TTC29: variants seen among roughly 807,000 people sequenced by gnomAD.
The protein encoded by TTC29 is tetratricopeptide repeat protein 29.
In TTC29, 49 loss-of-function variants were observed where a neutral mutation model predicts 58.1. The ratio of observed to expected loss-of-function variants is 0.84; its 90% CI spans 0.67 to 1.07. TTC29 has a LOEUF of 1.07. Ranked by LOEUF, TTC29 falls within the 50% of genes least tolerant of loss-of-function variation. The probability of loss-of-function intolerance (pLI) is 0.00; values close to 1 mark genes in which losing one functional copy is unlikely to be tolerated. For missense variants in TTC29, 582 were observed against 555.6 expected, an observed-to-expected ratio of 1.05 and a Z score of -0.48; for synonymous variants, 209 against 196.8, an observed-to-expected ratio of 1.06 and a Z score of -0.52.
chr4:146,818,751 G>C (rs1295906029), intron 10 of TTC29, among the ~76,000 whole-genome samples: 2 of 152,132 alleles, frequency 1.3e-5, no homozygotes, highest in Non-Finnish European at 2.9e-5. Flanking sequence ...ATACTATGCA[G>C]CCATAAAAAA....
At chr4:146,914,042 G>A (rs1734066691) in intron 4 of TTC29, among the ~76,000 whole-genome samples, 1 of 152,098 alleles carries the variant, frequency 6.6e-6, no homozygotes, top group Non-Finnish European at 1.5e-5. Flanking sequence ...ATATGCTACT[G>A]TTTAAGCCTC....
intron 6 of TTC29, among the ~76,000 whole-genome samples, chr4:146,892,628 T>C (rs1036305769): frequency 3.3e-5 from 5 of 152,088 alleles, no homozygotes; most frequent in Non-Finnish European, 5.9e-5. Context: ...TGGTACAAGA[T>C]AGGGATGCCC....
At chr4:146,835,703 C>T (rs1728464705) in intron 8 of TTC29, among the ~76,000 whole-genome samples, 3 of 152,156 alleles carry the variant, frequency 2.0e-5, no homozygotes, top group African/African-American at 7.2e-5. Context: ...ACAGGTTTCC[C>T]CAGGACTTAA....
chr4:146,718,591 T>C (rs935899752), intron 11 of TTC29, among the ~76,000 whole-genome samples: 4 of 152,204 alleles, frequency 2.6e-5, no homozygotes, highest in Admixed American at 2.0e-4. Flanking sequence ...TGTTTGAGTT[T>C]TTTATATGTT....
At chr4:146,796,823 AGAT>A (rs1192151231) in intron 11 of TTC29, among the ~76,000 whole-genome samples, 3 of 152,084 alleles carry the variant, frequency 2.0e-5, no homozygotes, top group African/African-American at 7.2e-5. Context: ...CTGGATGCAA[AGAT>A]GTATGCCATG....
At chr4:146,896,065 C>T (rs72733735) in intron 6 of TTC29, among the ~76,000 whole-genome samples, 5,280 of 152,038 alleles carry the variant, frequency 0.035, 166 homozygotes, top group Non-Finnish European at 0.049. Flanking sequence ...TACTAATGTG[C>T]GATTTTTTGC....
chr4:146,763,860 T>G (rs1747092501), intron 11 of TTC29: 1 of 152,046 alleles, frequency 6.6e-6, no homozygotes, highest in Non-Finnish European at 1.5e-5. Context: ...TCTTATTCCT[T>G]TTTCAGGTAT....
rs371274181 is a variant in TTC29 at position 146,874,700 on chromosome 4, G to T, written c.799+16C>A. On this transcript the variant is annotated intron_variant, in intron 7 of 12. Transcript: ENST00000325106. ...CCATTAAAGAAAGCAATGTGAGAGA[G>T]TTCTTTTCCACCCACCTTCTTTGGC... 11 of 1,577,504 alleles carry T rather than the reference G, an allele frequency of 7.0e-6. No individual in the cohort carries two copies. The highest frequency in any genetic ancestry group is 6.9e-5 in the South Asian group (6 of 87,376).
chr4:146,734,337 G>C (rs1345933190), intron 11 of TTC29, among the ~76,000 whole-genome samples: 1 of 151,992 alleles, frequency 6.6e-6, no homozygotes, highest in Non-Finnish European at 1.5e-5. Context: ...ACCCAGGGAG[G>C]GTATGAAAGC....
intron 6 of TTC29, among the ~76,000 whole-genome samples, chr4:146,900,377 T>C (rs1173675156): frequency 6.6e-6 from 1 of 152,198 alleles, no homozygotes; most frequent in East Asian, 1.9e-4. Context: ...TTCTTACTTA[T>C]GAAATATGAG....
intron 11 of TTC29, chr4:146,763,688 AG>A (rs1747079624): frequency 6.6e-6 from 1 of 152,126 alleles, no homozygotes; most frequent in Non-Finnish European, 1.5e-5. Flanking sequence ...TAACAGAGGC[AG>A]GGGAGAGAGC....
chr4:146,708,318 A>ATATATATACATACATGTG, intron 11 of TTC29, among the ~76,000 whole-genome samples: 1 of 26,748 alleles, frequency 3.7e-5, no homozygotes, highest in African/African-American at 7.1e-5. Flanking sequence ...TTATATATAT[A>ATATATATACATACATGTG]TATATATATA....
chr4:146,938,780 C>T lies in TTC29; in HGVS notation c.92+1024G>A, dbSNP rs534813716. Among the ~76,000 whole-genome samples, 9 of 152,224 alleles carry T rather than the reference C, an allele frequency of 5.9e-5. No individual in the cohort carries two copies. The East Asian group carries it at 1.7e-3, about 29-fold the overall frequency. On this transcript the variant is annotated intron_variant, in intron 3 of 12. Transcript: ENST00000325106. ...ATGAGAACAAAGAAACCTCCTAATA[C>T]TTTGATCATTATGCCTTGCAGGAAT...
chr4:146,900,096 T>C (rs925038257), intron 6 of TTC29, among the ~76,000 whole-genome samples: 1 of 152,208 alleles, frequency 6.6e-6, no homozygotes, highest in Non-Finnish European at 1.5e-5. Context: ...TTTTTTTAGG[T>C]TGAAAATTCT....
At chr4:146,902,590 C>A (rs1733225063) in intron 6 of TTC29, among the ~76,000 whole-genome samples, 1 of 152,128 alleles carries the variant, frequency 6.6e-6, no homozygotes, top group African/African-American at 2.4e-5. Flanking sequence ...TATTTACAAG[C>A]CTAAATTCCA....
chr4:146,848,155 G>A (rs1194963481), intron 8 of TTC29, among the ~76,000 whole-genome samples: 4 of 152,222 alleles, frequency 2.6e-5, no homozygotes, highest in African/African-American at 9.6e-5. Flanking sequence ...GGAAAGAAAC[G>A]TGAGTGGAAG....
At position 146,937,450 on chromosome 4, in the gene TTC29, T is replaced by C. The variant is rs140774056; in HGVS notation, c.176+144A>G. ...ATGTGTGAGATCAATAGACATGACT[T>C]ATCACTATTTAATATGAGCTTTAAT... On this transcript the variant is annotated intron_variant, in intron 4 of 12. Transcript: ENST00000325106. The C allele has an allele frequency of 3.5e-3, 2,089 of 595,620 alleles. 7 individuals carry two copies. Among genetic ancestry groups the C allele is most frequent in the Non-Finnish European group, 4.2e-3 (1,419 of 339,140 alleles). The allele number at this position is 595,620 out of a possible 1,614,324, so 36.9% of individuals were successfully genotyped here. A position where few individuals can be genotyped will look rare whatever the true frequency, so the allele number is the denominator to read the frequency against.
chr4:146,756,074 A>G (rs1746427073), intron 11 of TTC29, among the ~76,000 whole-genome samples: 2 of 152,124 alleles, frequency 1.3e-5, no homozygotes, highest in Admixed American at 1.3e-4. Flanking sequence ...GGAGATCGAG[A>G]CCATACTGGC....
At chr4:146,781,381 A>G (rs995488508) in intron 11 of TTC29, among the ~76,000 whole-genome samples, 19 of 151,958 alleles carry the variant, frequency 1.3e-4, no homozygotes, top group African/African-American at 3.4e-4. Flanking sequence ...TCGAGCTCTC[A>G]ATGGAAGATT....
Sources: allele counts gnomAD v4.1 joint callset (sites outside exome capture counted in the v4.1 genomes callset), GRCh38; gene constraint gnomAD v4.1.1; transcripts MANE v1.5; gene names NCBI Gene and HGNC (gene_info 2026-07-23, HGNC 2026-07-21).